Variants in DCDC2 observed in about 807,000 individuals in gnomAD.
DCDC2 encodes the protein doublecortin domain containing 2.
A neutral mutation model predicts 50.2 loss-of-function variants in DCDC2; 40 were observed. That is an observed-to-expected ratio of 0.80 (90% CI 0.62 to 1.04). DCDC2 has a LOEUF of 1.04. Among genes scored for constraint, DCDC2 ranks in the 50% least tolerant of loss-of-function variants. The probability of loss-of-function intolerance (pLI) is 0.00; values close to 1 mark genes in which losing one functional copy is unlikely to be tolerated. For missense variants in DCDC2, 570 were observed against 581.9 expected, an observed-to-expected ratio of 0.98 and a Z score of 0.21; for synonymous variants, 234 against 210.6, an observed-to-expected ratio of 1.11 and a Z score of -0.96.
intron 7 of DCDC2, among the ~76,000 whole-genome samples, chr6:24,257,550 G>A (rs188250817): frequency 1.0e-3 from 159 of 152,306 alleles, no homozygotes; most frequent in Non-Finnish European, 2.0e-3. Flanking sequence ...AGATCTTATA[G>A]AAGAGATGAT....
intron 2 of DCDC2, among the ~76,000 whole-genome samples, chr6:24,347,744 G>A (rs6921810): frequency 0.14 from 21,950 of 152,072 alleles, 2,624 homozygotes; most frequent in African/African-American, 0.33. Flanking sequence ...ATTCAATATA[G>A]CTGCAAATTA....
chr6:24,319,852 C>T (rs1581650581), intron 2 of DCDC2, among the ~76,000 whole-genome samples: 1 of 152,152 alleles, frequency 6.6e-6, no homozygotes, highest in East Asian at 1.9e-4. Flanking sequence ...AGGAGCAACC[C>T]TTCTCTCAGT....
At chr6:24,375,387 A>G in the DCDC2 span, among the ~76,000 whole-genome samples, 1 of 150,538 alleles carries the variant, frequency 6.6e-6, no homozygotes, top group Non-Finnish European at 1.5e-5. Flanking sequence ...GGGTAAGTGG[A>G]ACAAGTCAAT....
chr6:24,332,537 G>A (rs189338200), intron 2 of DCDC2, among the ~76,000 whole-genome samples: 2 of 152,226 alleles, frequency 1.3e-5, no homozygotes, highest in East Asian at 3.9e-4. Context: ...TCCAGACATC[G>A]TGAAGCAAAG....
chr6:24,244,976 C>T (rs1762639801), intron 7 of DCDC2, among the ~76,000 whole-genome samples: 2 of 152,122 alleles, frequency 1.3e-5, no homozygotes, highest in African/African-American at 4.8e-5. Flanking sequence ...GGGCACATCA[C>T]TCAAAGCCAG....
At position 24,174,357 on chromosome 6, in the gene DCDC2, A is replaced by G. The variant is rs1224677581; in HGVS notation, c.*373T>C. The G allele has an allele frequency of 1.3e-5, 2 of 156,810 alleles. No homozygotes were observed. The highest frequency in any genetic ancestry group is 4.8e-5 in the African/African-American group (2 of 41,596). 9.7% of individuals were successfully genotyped at this position (156,810 alleles called of 1,614,324 possible). ...GCTTTCCTATTACCAGTTCTTTAAA[A>G]TTCTACGCCTTCCTAGAGAAAAATT... On this transcript the variant is annotated 3_prime_UTR_variant, in exon 10 of 10. Coordinates refer to ENST00000378454, the MANE Select transcript of DCDC2 (RefSeq NM_016356.5).
chr6:24,330,233 G>A (rs1177558613), intron 2 of DCDC2, among the ~76,000 whole-genome samples: 2 of 152,168 alleles, frequency 1.3e-5, no homozygotes, highest in African/African-American at 4.8e-5. Flanking sequence ...GCACTCAGAA[G>A]AATAACTGTT....
At chr6:24,217,075 C>T (rs2113771329) in intron 7 of DCDC2, among the ~76,000 whole-genome samples, 1 of 152,140 alleles carries the variant, frequency 6.6e-6, no homozygotes, top group Admixed American at 6.6e-5. Flanking sequence ...ACAATCATTT[C>T]AGACAGAGAC....
chr6:24,305,795 G>GGA (rs1554117947), intron 2 of DCDC2, among the ~76,000 whole-genome samples: 3 of 106,482 alleles, frequency 2.8e-5, no homozygotes, highest in African/African-American at 1.7e-4. Context: ...GGGAGGCCAA[G>GGA]GGGGGGTGGA....
At chr6:24,362,941 G>A (rs559342671), upstream of DCDC2, among the ~76,000 whole-genome samples, 9 of 152,234 alleles carry the variant, frequency 5.9e-5, no homozygotes, top group South Asian at 2.1e-4. Flanking sequence ...TGCAAAGTCC[G>A]AACACTGAGC....
At chr6:24,357,128 G>T in intron 1 of DCDC2, 1 of 215,198 alleles carries the variant, frequency 4.6e-6, no homozygotes, top group Non-Finnish European at 9.1e-6. Context: ...ATAAGGAAAA[G>T]GAAAGAAAAA....
At chr6:24,363,335 A>G in the DCDC2 span, among the ~76,000 whole-genome samples, 1 of 152,108 alleles carries the variant, frequency 6.6e-6, no homozygotes, top group Non-Finnish European at 1.5e-5. Flanking sequence ...CTCTAAAAAA[A>G]CAAAAAACTA....
chr6:24,184,291 G>A (rs1761144617), intron 8 of DCDC2, among the ~76,000 whole-genome samples: 1 of 152,130 alleles, frequency 6.6e-6, no homozygotes, highest in Non-Finnish European at 1.5e-5. Flanking sequence ...ACTGACCTGA[G>A]GCTGGGCATG....
chr6:24,359,564 T>TA (rs1561789817), upstream of DCDC2, among the ~76,000 whole-genome samples: 67 of 116,710 alleles, frequency 5.7e-4, no homozygotes, highest in South Asian at 0.014. Flanking sequence ...TTATATATTT[T>TA]TATATATATA....
intron 8 of DCDC2, among the ~76,000 whole-genome samples, chr6:24,180,294 GT>G (rs1165764669): frequency 6.6e-6 from 1 of 151,230 alleles, no homozygotes; most frequent in Admixed American, 6.6e-5. Context: ...TTGTTTTTTG[GT>G]TTTTTTTGAG....
At chr6:24,181,745 T>C (rs1204546185) in intron 8 of DCDC2, among the ~76,000 whole-genome samples, 2 of 152,134 alleles carry the variant, frequency 1.3e-5, no homozygotes, top group African/African-American at 4.8e-5. Context: ...CATTAAGAGG[T>C]CAATATTATC....
chr6:24,181,388 A>G (rs536958647), intron 8 of DCDC2, among the ~76,000 whole-genome samples: 71 of 152,334 alleles, frequency 4.7e-4, no homozygotes, highest in African/African-American at 1.7e-3. Context: ...CTCTCCTCAA[A>G]GAGAACAAGC....
intron 4 of DCDC2, among the ~76,000 whole-genome samples, chr6:24,301,240 G>T (rs898988034): frequency 1.3e-5 from 2 of 151,792 alleles, no homozygotes; most frequent in Non-Finnish European, 2.9e-5. Flanking sequence ...GCGTGGTGGT[G>T]GGCGCCTGTG....
chr6:24,341,527 A>C (rs939418566), intron 2 of DCDC2, among the ~76,000 whole-genome samples: 6 of 151,942 alleles, frequency 3.9e-5, no homozygotes, highest in African/African-American at 1.5e-4. Context: ...TTAAAAAAAA[A>C]AAATGCCTCC....
Sources: allele counts gnomAD v4.1 joint callset (sites outside exome capture counted in the v4.1 genomes callset), GRCh38; gene constraint gnomAD v4.1.1; transcripts MANE v1.5; gene names NCBI Gene and HGNC (gene_info 2026-07-23, HGNC 2026-07-21).